SLC25A26: variants seen among roughly 807,000 people sequenced by gnomAD.
The protein encoded by SLC25A26 is mitochondrial S-adenosylmethionine carrier protein.
SLC25A26 carries 36 observed loss-of-function variants against 37.8 expected under a neutral mutation model. The ratio of observed to expected loss-of-function variants is 0.95; its 90% CI spans 0.73 to 1.26. SLC25A26 has a LOEUF of 1.26. Among genes scored for constraint, SLC25A26 ranks in the 50% most tolerant of loss-of-function variants. The pLI, the probability that SLC25A26 is intolerant of heterozygous loss-of-function variation, is 0.00. For missense variants in SLC25A26, 390 were observed against 331.1 expected (o/e 1.18, Z -1.38); for synonymous variants, 129 against 122.5 (o/e 1.05, Z -0.35).
chr3:66,205,042 T>A (rs941816946), intron 1 of SLC25A26, among the ~76,000 whole-genome samples: 1 of 152,230 alleles, frequency 6.6e-6, no homozygotes, highest in Non-Finnish European at 1.5e-5. Flanking sequence ...ATTTGTTAGT[T>A]ATTTGTTTTA....
chr3:66,222,329 C>T (rs1407867384), intron 1 of SLC25A26, among the ~76,000 whole-genome samples: 6 of 151,990 alleles, frequency 3.9e-5, no homozygotes, highest in African/African-American at 9.7e-5. Flanking sequence ...TGCAGGTGCC[C>T]GCCACTACGC....
intron 5 of SLC25A26, among the ~76,000 whole-genome samples, chr3:66,312,812 G>T (rs994233274): frequency 3.3e-5 from 5 of 152,074 alleles, no homozygotes; most frequent in African/African-American, 1.2e-4. Context: ...GCATCTGCTT[G>T]CCCACTGTGG....
intron 5 of SLC25A26, among the ~76,000 whole-genome samples, chr3:66,298,626 CTTACCCAT>C (rs929880184): frequency 6.6e-6 from 1 of 152,156 alleles, no homozygotes; most frequent in Non-Finnish European, 1.5e-5. Flanking sequence ...AGCTGGATTT[CTTACCCAT>C]TTTAAGTGAC....
At chr3:66,209,040 GTATATA>G (rs1172568131) in intron 1 of SLC25A26, among the ~76,000 whole-genome samples, 3 of 33,488 alleles carry the variant, frequency 9.0e-5, no homozygotes, top group African/African-American at 2.8e-4. Flanking sequence ...ATATAAAGGT[GTATATA>G]TATATATATA....
intron 1 of SLC25A26, among the ~76,000 whole-genome samples, chr3:66,167,213 G>T (rs2070436795): frequency 6.6e-6 from 1 of 152,186 alleles, no homozygotes; most frequent in South Asian, 2.1e-4. Flanking sequence ...ATTGGTTCGA[G>T]GAAAGGGTAC....
At chr3:66,162,564 A>C (rs1224959482) in intron 1 of SLC25A26, among the ~76,000 whole-genome samples, 1 of 152,208 alleles carries the variant, frequency 6.6e-6, no homozygotes, top group Non-Finnish European at 1.5e-5. Context: ...GAAAGCAAGA[A>C]GACTTGAGAC....
chr3:66,330,619 T>A (rs2075951422), intron 5 of SLC25A26, among the ~76,000 whole-genome samples: 1 of 142,708 alleles, frequency 7.0e-6, no homozygotes, highest in Non-Finnish European at 1.5e-5. Flanking sequence ...AAGTGATCCT[T>A]AAGTAAATAG....
chr3:66,362,904 G>C lies in SLC25A26; in HGVS notation c.543G>C (p.Gln181His), dbSNP rs2076743172. ...WRQDHVVDSW[Q>H]SAVCGAFAGG... ...AGGATCATGTGGTGGATTCTTGGCA[G>C]TCAGCAGTCTGTGGAGCTTTTGCAG... Residue 181 changes from glutamine to histidine, a missense_variant, in exon 7 of 10, where the codon CAG (glutamine) becomes CAC (histidine). Physicochemically the swap from Gln to His is conservative, Grantham distance 24 (BLOSUM62 0). Transcript: ENST00000354883. 6.2e-7 allele frequency: 1 copy of C among 1,608,636 alleles called. No individual in the cohort carries two copies. Among genetic ancestry groups the C allele is most frequent in the Admixed American group, 1.7e-5 (1 of 59,472 alleles).
chr3:66,237,083 C>T (rs555771940), intron 2 of SLC25A26, among the ~76,000 whole-genome samples: 1 of 152,142 alleles, frequency 6.6e-6, no homozygotes, highest in Non-Finnish European at 1.5e-5. Flanking sequence ...GCAATCTGCC[C>T]ATCTTGGGCT....
intron 1 of SLC25A26, among the ~76,000 whole-genome samples, chr3:66,224,843 T>C (rs565307647): frequency 1.3e-3 from 192 of 152,234 alleles, no homozygotes; most frequent in Non-Finnish European, 2.1e-3. Context: ...ATGGGAGAGA[T>C]TGGCCAAAAT....
chr3:66,335,560 C>T (rs927012190), intron 5 of SLC25A26, among the ~76,000 whole-genome samples: 1 of 152,146 alleles, frequency 6.6e-6, no homozygotes, highest in African/African-American at 2.4e-5. Flanking sequence ...CCACAAGACC[C>T]GGGTTCTCCC....
intron 7 of SLC25A26, among the ~76,000 whole-genome samples, chr3:66,368,815 C>G (rs971622312): frequency 2.0e-5 from 3 of 151,946 alleles, no homozygotes; most frequent in Admixed American, 1.3e-4. Context: ...GCAAGGAGTT[C>G]AAGACCAGGC....
intron 6 of SLC25A26, chr3:66,356,019 A>C (rs1339195635): frequency 2.2e-6 from 1 of 456,126 alleles, no homozygotes; most frequent in African/African-American, 2.0e-5. Flanking sequence ...GTAAAATATC[A>C]TCATCTTGTA....
At chr3:66,235,400 G>A (rs36147484) in intron 1 of SLC25A26, among the ~76,000 whole-genome samples, 36,790 of 151,976 alleles carry the variant, frequency 0.24, 4,936 homozygotes, top group African/African-American at 0.35. Flanking sequence ...AAAGCAACAT[G>A]GTATCTCTTG....
chr3:66,200,553 C>A (rs1282667848), intron 1 of SLC25A26, among the ~76,000 whole-genome samples: 1 of 152,270 alleles, frequency 6.6e-6, no homozygotes, highest in East Asian at 1.9e-4. Flanking sequence ...GGTTGCTCTG[C>A]CAATGGATCT....
chr3:66,160,363 C>T (rs2070340131), intron 1 of SLC25A26, among the ~76,000 whole-genome samples: 1 of 152,170 alleles, frequency 6.6e-6, no homozygotes. Flanking sequence ...TTCACCACCA[C>T]TCCAAACAGC....
chr3:66,283,715 T>C (rs757552276), intron 5 of SLC25A26, among the ~76,000 whole-genome samples: 1 of 152,216 alleles, frequency 6.6e-6, no homozygotes. Context: ...TTATTTATTA[T>C]TGTTTTAATC....
intron 1 of SLC25A26, among the ~76,000 whole-genome samples, chr3:66,209,696 TATAA>T (rs1326567868): frequency 7.2e-6 from 1 of 138,790 alleles, no homozygotes; most frequent in East Asian, 2.1e-4. Flanking sequence ...TATAGGTATA[TATAA>T]ATATATAGAT....
rs541613058 is a variant in SLC25A26, at chr3:66,137,884, A to C, written c.-354+3900A>C. Among the ~76,000 whole-genome samples the C allele has an allele frequency of 8.3e-4, 126 of 152,078 alleles. 2 individuals are homozygous for C. Among genetic ancestry groups the C allele is most frequent in the African/African-American group, 3.0e-3 (124 of 41,468 alleles). The stretch of plus-strand genomic sequence containing the variant: ...AGTGTCGCTCTGTCACCCAGGCTGG[A>C]GTGCAGTAGCCCAATCTTGGCTCTC... On this transcript the variant is annotated intron_variant, in intron 1 of 10. Coordinates refer to the SLC25A26 transcript ENST00000676754.
Sources: gnomAD v4.1 joint callset for allele counts (sites outside exome capture counted in the v4.1 genomes callset) on GRCh38, gnomAD v4.1.1 for gene constraint, MANE v1.5 for transcripts, NCBI Gene and HGNC (gene_info 2026-07-23, HGNC 2026-07-21) for gene names.